The following AJAP1 variants were observed in gnomAD, a reference collection of about 807,000 sequenced individuals.
AJAP1 encodes the protein adherens junctions associated protein 1.
Under a neutral mutation model 35.0 loss-of-function variants are expected in AJAP1, and 5 were observed. The ratio of observed to expected loss-of-function variants is 0.14; its 90% CI spans 0.07 to 0.30. The LOEUF (loss-of-function observed/expected upper bound fraction) is 0.30. Ranked by LOEUF, AJAP1 falls within the 10% of genes least tolerant of loss-of-function variation. The probability of loss-of-function intolerance (pLI) is 1.00; values close to 1 mark genes in which losing one functional copy is unlikely to be tolerated. For synonymous variants in AJAP1, 284 were observed against 249.3 expected, an observed-to-expected ratio of 1.14 and a Z score of -1.31; for missense variants, 586 against 571.0, an observed-to-expected ratio of 1.03 and a Z score of -0.27.
intron 1 of AJAP1, among the ~76,000 whole-genome samples, chr1:4,665,963 C>T (rs776178570): frequency 1.3e-5 from 2 of 152,132 alleles, no homozygotes; most frequent in Non-Finnish European, 1.5e-5. Flanking sequence ...CCATTGGGCC[C>T]GAGGAGGAAG....
At chr1:4,669,430 A>C (rs1393609649) in intron 1 of AJAP1, among the ~76,000 whole-genome samples, 1 of 152,218 alleles carries the variant, frequency 6.6e-6, no homozygotes, top group Non-Finnish European at 1.5e-5. Flanking sequence ...GCAGAAGGCA[A>C]AGGAGAAGCA....
intron 2 of AJAP1, among the ~76,000 whole-genome samples, chr1:4,769,353 G>A (rs2100357938): frequency 6.6e-6 from 1 of 152,234 alleles, no homozygotes; most frequent in African/African-American, 2.4e-5. Flanking sequence ...ATATGTACTG[G>A]CCCATCCTGG....
chr1:4,759,691 C>T lies in AJAP1; in HGVS notation c.830-10162C>T, dbSNP rs369190049. The stretch of plus-strand genomic sequence containing the variant: ...GGAAACTGAAGTCACAGCACCATGC[C>T]TCCAAGAGCGAGGTGCAGGCAGGCT... On this transcript the variant is annotated intron_variant, in intron 2 of 5. Transcript: ENST00000378191. 1.2e-4 allele frequency among the ~76,000 whole-genome samples: 19 copies of T among 152,350 alleles called. No individual in the cohort carries two copies. In the South Asian group the frequency reaches 2.7e-3, roughly 22 times the overall value.
Position 4,785,909 on chromosome 1 carries a change from T to C in AJAP1, c.*3424T>C, listed in dbSNP as rs572124734. 6.6e-6 allele frequency: 1 copy of C among 152,340 alleles called. No individual in the cohort carries two copies. Among genetic ancestry groups the C allele is most frequent in the South Asian group, 2.1e-4 (1 of 4,818 alleles). The allele number at this position is 152,340 out of a possible 1,614,324, so 9.4% of individuals were successfully genotyped here. ...GCCTCCTGGCACCTGCATTTGCCTTTAAAGCTTAGAAACAGCTGGGAATGC... is the reference window on the plus strand; with the variant it reads ...GCCTCCTGGCACCTGCATTTGCCTTCAAAGCTTAGAAACAGCTGGGAATGC... On this transcript the variant is annotated 3_prime_UTR_variant, in exon 6 of 6. Coordinates refer to ENST00000378191, the MANE Select transcript of AJAP1 (RefSeq NM_018836.4).
In AJAP1 at chr1:4,783,547, T is replaced by TTG. The variant is rs1180260134; in HGVS notation, c.*1070_*1071dup. 3.0e-5 allele frequency: 4 copies of TTG among 132,722 alleles called. No homozygotes were observed. The highest frequency in any genetic ancestry group is 1.1e-4 in the African/African-American group (4 of 35,680). 8.2% of individuals were successfully genotyped at this position (132,722 alleles called of 1,614,324 possible). ...TATATATATATATATATATATATGT[T>TTG]TGTGTGTGTATATATATGTTTGTGT... On this transcript the variant is annotated 3_prime_UTR_variant, in exon 6 of 6. Coordinates refer to ENST00000378191, the MANE Select transcript of AJAP1 (RefSeq NM_018836.4).
chr1:4,676,412 G>A (rs1639364849), intron 1 of AJAP1, among the ~76,000 whole-genome samples: 1 of 152,202 alleles, frequency 6.6e-6, no homozygotes, highest in Non-Finnish European at 1.5e-5. Context: ...CACAGAACGT[G>A]AAGCTTCCGG....
chr1:4,685,866 G>C (rs1639593060), intron 1 of AJAP1, among the ~76,000 whole-genome samples: 1 of 152,238 alleles, frequency 6.6e-6, no homozygotes, highest in Non-Finnish European at 1.5e-5. Context: ...AGAGGCTGCA[G>C]GGCTGGGCTC....
At chr1:4,678,483 G>T (rs1639407814) in intron 1 of AJAP1, among the ~76,000 whole-genome samples, 1 of 152,224 alleles carries the variant, frequency 6.6e-6, no homozygotes, top group South Asian at 2.1e-4. Flanking sequence ...AGCTCATGTG[G>T]TTGTTAGCAG....
intron 1 of AJAP1, among the ~76,000 whole-genome samples, chr1:4,691,994 G>A (rs1247599168): frequency 6.6e-6 from 1 of 151,916 alleles, no homozygotes; most frequent in Non-Finnish European, 1.5e-5. Context: ...TGGGGACGGG[G>A]TTGGAGGGAG....
At chr1:4,745,889 C>A (rs1392113039) in intron 2 of AJAP1, among the ~76,000 whole-genome samples, 1 of 152,148 alleles carries the variant, frequency 6.6e-6, no homozygotes, top group African/African-American at 2.4e-5. Context: ...TTTCTGGAAT[C>A]AGGCTCTGCC....
At position 4,720,349 on chromosome 1, in the gene AJAP1, TC is replaced by T. The variant is rs1338248521; in HGVS notation, c.829+7652del. Among the ~76,000 whole-genome samples the T allele has an allele frequency of 1.3e-5, 2 of 152,180 alleles. No homozygotes were observed. The highest frequency in any genetic ancestry group is 2.9e-5 in the Non-Finnish European group (2 of 68,028). The stretch of plus-strand genomic sequence containing the variant: ...AAAATAAAGGGAAAAAGCCTCCCTT[TC>T]CAGAAGTTTCTTTCAGCACTGGGGA... On this transcript the variant is annotated intron_variant, in intron 2 of 5. Transcript: ENST00000378191. This position sits in a 1 kb window ranked among gnomAD's most constrained non-coding sequence, Gnocchi z 4.4.
At chr1:4,659,542 A>T (rs553218018) in intron 1 of AJAP1, among the ~76,000 whole-genome samples, 84 of 152,222 alleles carry the variant, frequency 5.5e-4, no homozygotes, top group Middle Eastern at 3.4e-3. Context: ...ATCTGCCTTG[A>T]ATAGAGAGTC....
intron 1 of AJAP1, among the ~76,000 whole-genome samples, chr1:4,710,181 C>T (rs1160171123): frequency 6.6e-6 from 1 of 152,118 alleles, no homozygotes; most frequent in Non-Finnish European, 1.5e-5. Flanking sequence ...CACACTCACA[C>T]AGGAACGCAC....
chr1:4,733,679 G>C (rs929575050), intron 2 of AJAP1, among the ~76,000 whole-genome samples: 4 of 151,764 alleles, frequency 2.6e-5, no homozygotes, highest in African/African-American at 7.3e-5. Context: ...GCCGGCCTTG[G>C]GAGGATTCGG....
At chr1:4,738,296 A>C (rs1640977216) in intron 2 of AJAP1, among the ~76,000 whole-genome samples, 1 of 152,214 alleles carries the variant, frequency 6.6e-6, no homozygotes, top group South Asian at 2.1e-4. Context: ...CACTCAAATA[A>C]ATGCGTAATT....
chr1:4,735,968 G>A (rs1640914650), intron 2 of AJAP1, among the ~76,000 whole-genome samples: 1 of 152,220 alleles, frequency 6.6e-6, no homozygotes, highest in Non-Finnish European at 1.5e-5. Context: ...GAGGGTTGGC[G>A]CTGAGGTTCC....
At chr1:4,727,382 G>T (rs779550657) in intron 2 of AJAP1, among the ~76,000 whole-genome samples, 2 of 152,208 alleles carry the variant, frequency 1.3e-5, no homozygotes, top group African/African-American at 2.4e-5. Context: ...CTCCTGTGGG[G>T]GACAGTGCGG....
intron 1 of AJAP1, among the ~76,000 whole-genome samples, chr1:4,679,067 C>T (rs990715370): frequency 6.6e-6 from 1 of 152,202 alleles, no homozygotes; most frequent in East Asian, 1.9e-4. Flanking sequence ...AGGCCAGGGG[C>T]AAGCTGCTGA....
chr1:4,710,958 C>G (rs1203483335), intron 1 of AJAP1, among the ~76,000 whole-genome samples: 2 of 152,192 alleles, frequency 1.3e-5, no homozygotes, highest in South Asian at 2.1e-4. Flanking sequence ...CCTGCAGCCC[C>G]GCTGCGTGGA....
Sources: gnomAD v4.1 joint callset for allele counts (sites outside exome capture counted in the v4.1 genomes callset) on GRCh38, gnomAD v4.1.1 for gene constraint, Gnocchi (gnomAD v3.1) non-coding constraint, MANE v1.5 for transcripts, NCBI Gene and HGNC (gene_info 2026-07-23, HGNC 2026-07-21) for gene names.